Variants in MSI2 observed in about 807,000 individuals in gnomAD.
MSI2 encodes RNA-binding protein Musashi homolog 2.
Under a neutral mutation model 45.6 loss-of-function variants are expected in MSI2, and 17 were observed. The observed-to-expected ratio is 0.37, with a 90% CI of 0.26 to 0.56. The LOEUF (loss-of-function observed/expected upper bound fraction) is 0.56, where lower values mean the gene tolerates loss of function less well. Ranked by LOEUF, MSI2 falls within the 20% of genes least tolerant of loss-of-function variation. The probability of loss-of-function intolerance (pLI) is 0.77; values close to 1 mark genes in which losing one functional copy is unlikely to be tolerated. For synonymous variants in MSI2, 156 were observed against 158.2 expected, an observed-to-expected ratio of 0.99 and a Z score of 0.11; for missense variants, 293 against 444.2, an observed-to-expected ratio of 0.66 and a Z score of 3.06.
intron 5 of MSI2, among the ~76,000 whole-genome samples, chr17:57,352,143 C>T (rs1698961339): frequency 6.6e-6 from 1 of 152,208 alleles, no homozygotes; most frequent in African/African-American, 2.4e-5. Context: ...ACAGTGTCTG[C>T]ACCAAGTAGG....
chr17:57,567,748 C>A (rs147072927), intron 7 of MSI2, among the ~76,000 whole-genome samples: 5 of 152,194 alleles, frequency 3.3e-5, no homozygotes, highest in Non-Finnish European at 5.9e-5. Flanking sequence ...CAGAGATGAT[C>A]TGATTACCTG....
chr17:57,327,524 C>CT (rs1284277156), intron 5 of MSI2, among the ~76,000 whole-genome samples: 2 of 152,206 alleles, frequency 1.3e-5, no homozygotes, highest in African/African-American at 4.8e-5. Context: ...TGGTGTCAGA[C>CT]AAACTTTTAG....
rs1017500261 is a variant in MSI2 at position 57,358,212 on chromosome 17, T to G, written c.313-43167T>G. On this transcript the variant is annotated intron_variant, in intron 5 of 13. Transcript: ENST00000284073. ...TTCTGTGTGTGTGGGGGGGTGTGTG[T>G]GTGTGTGTGTGTGTGTTTATGGACA... Among the ~76,000 whole-genome samples, 213 of 152,122 alleles carry G rather than the reference T, an allele frequency of 1.4e-3. 1 individual carries two copies. The highest frequency in any genetic ancestry group is 3.7e-4 in the Non-Finnish European group (25 of 67,992).
chr17:57,525,283 GGT>G, intron 6 of MSI2, among the ~76,000 whole-genome samples: 1 of 150,204 alleles, frequency 6.7e-6, no homozygotes. Flanking sequence ...GGGGGGGGCA[GGT>G]GGGGGAGGTT....
At chr17:57,581,424 C>T (rs566230216) in intron 7 of MSI2, among the ~76,000 whole-genome samples, 2 of 152,266 alleles carry the variant, frequency 1.3e-5, no homozygotes, top group East Asian at 1.9e-4. Context: ...ACGATGTCCT[C>T]GGATCCAAGA....
chr17:57,646,847 G>A (rs59219549), intron 10 of MSI2, among the ~76,000 whole-genome samples: 10,128 of 77,566 alleles, frequency 0.13, 738 homozygotes, highest in East Asian at 0.46. Context: ...TGAATATAAG[G>A]TTCCCAAACA....
At chr17:57,587,280 C>T (rs1423900948) in intron 7 of MSI2, among the ~76,000 whole-genome samples, 3 of 151,788 alleles carry the variant, frequency 2.0e-5, no homozygotes, top group Admixed American at 2.0e-4. Flanking sequence ...TGATGAAACA[C>T]TTGCTGGTTC....
intron 5 of MSI2, among the ~76,000 whole-genome samples, chr17:57,340,000 G>A (rs1233622123): frequency 6.6e-6 from 1 of 152,226 alleles, no homozygotes; most frequent in Admixed American, 6.5e-5. Context: ...AAACTGGGCA[G>A]CAGAGGTGTT....
At chr17:57,613,305 G>T (rs1299183614) in intron 8 of MSI2, among the ~76,000 whole-genome samples, 1 of 152,134 alleles carries the variant, frequency 6.6e-6, no homozygotes, top group African/African-American at 2.4e-5. Context: ...AGTGACATTT[G>T]CTGTTTTCCC....
chr17:57,564,930 C>T lies in MSI2; in HGVS notation c.455-31938C>T, dbSNP rs184923779. On this transcript the variant is annotated intron_variant, in intron 7 of 13. Transcript: ENST00000284073. ...TTGGGTTGTTGGTTACCATTCTGTG[C>T]GTTTATCTGTTTCACCACCTTCATT... 8.5e-5 allele frequency among the ~76,000 whole-genome samples: 13 copies of T among 152,264 alleles called. No individual in the cohort carries two copies. The East Asian group carries it at 1.7e-3, about 20-fold the overall frequency.
rs150823535 is a variant in MSI2 at position 57,591,708 on chromosome 17, C to A, written c.455-5160C>A. The stretch of plus-strand genomic sequence containing the variant: ...TTCTACTTTACTCTAGCCTGAGTGA[C>A]AAGGGACTGAAACCCTGTCTCAAAA... On this transcript the variant is annotated intron_variant, in intron 7 of 13. Transcript: ENST00000284073. 4.4e-3 allele frequency among the ~76,000 whole-genome samples: 550 copies of A among 126,220 alleles called. 2 individuals are homozygous for A. The highest frequency in any genetic ancestry group is 0.016 in the African/African-American group (511 of 32,706). The allele number at this position is 126,220 out of a possible 152,430, so 82.8% of individuals were successfully genotyped here. A position where few individuals can be genotyped will look rare whatever the true frequency, so the allele number is the denominator to read the frequency against.
chr17:57,624,112 T>C (rs1216533154), intron 9 of MSI2, among the ~76,000 whole-genome samples: 1 of 152,202 alleles, frequency 6.6e-6, no homozygotes, highest in Non-Finnish European at 1.5e-5. Context: ...AAAGCAGGTA[T>C]AATTGCATTG....
At chr17:57,300,708 C>T (rs901317245) in intron 5 of MSI2, among the ~76,000 whole-genome samples, 2 of 152,112 alleles carry the variant, frequency 1.3e-5, no homozygotes, top group African/African-American at 4.8e-5. Context: ...GCTGGGGGAG[C>T]ATCACAATCA....
intron 6 of MSI2, among the ~76,000 whole-genome samples, chr17:57,499,341 A>C (rs1212431908): frequency 4.9e-5 from 7 of 143,088 alleles, no homozygotes; most frequent in Non-Finnish European, 7.5e-5. Context: ...GTGCCACGGC[A>C]CTCCAGCCTG....
intron 5 of MSI2, among the ~76,000 whole-genome samples, chr17:57,344,099 T>G (rs1017315194): frequency 5.9e-5 from 9 of 152,254 alleles, no homozygotes; most frequent in African/African-American, 2.2e-4. Flanking sequence ...AAGTTTCCTC[T>G]GAAAGCTAGC....
chr17:57,474,463 T>C (rs1054512608), intron 6 of MSI2, among the ~76,000 whole-genome samples: 2 of 152,164 alleles, frequency 1.3e-5, no homozygotes, highest in African/African-American at 4.8e-5. Flanking sequence ...GGCACTGTCC[T>C]GTGCATTGTA....
Position 57,588,349 on chromosome 17 carries a change from G to T in MSI2, c.455-8519G>T, listed in dbSNP as rs1213444422. 2.6e-5 allele frequency among the ~76,000 whole-genome samples: 4 copies of T among 152,210 alleles called. No homozygotes were observed. In the East Asian group the frequency reaches 7.7e-4, roughly 29 times the overall value. The stretch of plus-strand genomic sequence containing the variant: ...CTTTCTTCTTAATAAGGCCAGGGAA[G>T]TGAGCACTTCTCTGTCCCTCCCTCC... On this transcript the variant is annotated intron_variant, in intron 7 of 13. Coordinates refer to ENST00000284073, the MANE Select transcript of MSI2 (RefSeq NM_138962.4).
chr17:57,293,695 G>A (rs1285987447), intron 5 of MSI2, among the ~76,000 whole-genome samples: 2 of 148,712 alleles, frequency 1.3e-5, no homozygotes, highest in South Asian at 2.1e-4. Flanking sequence ...TGCAACCTCC[G>A]CCTCCTGGGT....
At chr17:57,257,014 C>G (rs780551762) in intron 1 of MSI2, 84 bp from the exon 2 acceptor site, 7 of 1,602,156 alleles carry the variant, frequency 4.4e-6, no homozygotes, top group Non-Finnish European at 5.1e-6. Context: ...CTCCCCCCCG[C>G]TTTCCTTTTA....
Sources: gnomAD v4.1 joint callset for allele counts (sites outside exome capture counted in the v4.1 genomes callset) on GRCh38, gnomAD v4.1.1 for gene constraint, MANE v1.5 for transcripts, NCBI Gene and HGNC (gene_info 2026-07-23, HGNC 2026-07-21) for gene names.